The following LHFPL6 variants were observed in gnomAD, a reference collection of about 807,000 sequenced individuals.
LHFPL6 encodes the protein LHFPL tetraspan subfamily member 6, also known as LHFPL tetraspan subfamily member 6 protein.
In LHFPL6, 9 loss-of-function variants were observed where a neutral mutation model predicts 20.6. The ratio of observed to expected loss-of-function variants is 0.44; its 90% CI spans 0.26 to 0.76. LHFPL6 has a LOEUF of 0.76. Ranked by LOEUF, LHFPL6 falls within the 30% of genes least tolerant of loss-of-function variation. The pLI is 0.20. For synonymous variants in LHFPL6, 105 were observed against 98.7 expected, an observed-to-expected ratio of 1.06 and a Z score of -0.38; for missense variants, 218 against 253.5, an observed-to-expected ratio of 0.86 and a Z score of 0.95.
chr13:39,510,553 T>C (rs1869657112), intron 2 of LHFPL6, among the ~76,000 whole-genome samples: 1 of 152,232 alleles, frequency 6.6e-6, no homozygotes, highest in African/African-American at 2.4e-5. Flanking sequence ...TATAGTGTTT[T>C]ACATAAGTCT....
At chr13:39,373,533 A>G (rs944386312) in intron 3 of LHFPL6, among the ~76,000 whole-genome samples, 21 of 152,212 alleles carry the variant, frequency 1.4e-4, no homozygotes, top group Non-Finnish European at 2.6e-4. Flanking sequence ...AGAAAATTGT[A>G]GTATTTATAC....
At chr13:39,402,290 T>C (rs1452704523) in intron 2 of LHFPL6, among the ~76,000 whole-genome samples, 1 of 152,184 alleles carries the variant, frequency 6.6e-6, no homozygotes, top group Non-Finnish European at 1.5e-5. Context: ...AGTGGCACAA[T>C]CATGGCTCAC....
chr13:39,442,925 TTCTC>T (rs371232853), intron 2 of LHFPL6, among the ~76,000 whole-genome samples: 6 of 150,142 alleles, frequency 4.0e-5, no homozygotes, highest in South Asian at 4.2e-4. Flanking sequence ...TCTTGTCTCT[TTCTC>T]TCTCTCTCTC....
intron 2 of LHFPL6, among the ~76,000 whole-genome samples, chr13:39,426,933 A>G (rs1871655054): frequency 6.6e-6 from 1 of 152,060 alleles, no homozygotes; most frequent in Non-Finnish European, 1.5e-5. Flanking sequence ...TAATTTTTGT[A>G]TATGCTGTGA....
At chr13:39,385,938 GTTTAT>G (rs1204074842) in intron 2 of LHFPL6, among the ~76,000 whole-genome samples, 23 of 152,158 alleles carry the variant, frequency 1.5e-4, no homozygotes, top group South Asian at 2.1e-4. Flanking sequence ...TTTTTCCACT[GTTTAT>G]TTTATTTTTT....
chr13:39,510,457 T>G (rs1323691837), intron 2 of LHFPL6, among the ~76,000 whole-genome samples: 1 of 152,212 alleles, frequency 6.6e-6, no homozygotes, highest in African/African-American at 2.4e-5. Flanking sequence ...CATTAGAAAC[T>G]GAAAGTCCAG....
intron 2 of LHFPL6, among the ~76,000 whole-genome samples, chr13:39,430,883 C>A (rs1007751128): frequency 6.6e-6 from 1 of 152,196 alleles, no homozygotes; most frequent in African/African-American, 2.4e-5. Context: ...TTATCCAAGC[C>A]AGCAGCGGCA....
intron 2 of LHFPL6, among the ~76,000 whole-genome samples, chr13:39,443,142 G>A (rs1196754974): frequency 1.3e-5 from 2 of 152,150 alleles, no homozygotes; most frequent in Non-Finnish European, 2.9e-5. Context: ...TACTATGGGA[G>A]TGAGCTAATT....
intron 2 of LHFPL6, among the ~76,000 whole-genome samples, chr13:39,493,587 T>C (rs946603194): frequency 6.6e-6 from 1 of 152,212 alleles, no homozygotes; most frequent in African/African-American, 2.4e-5. Flanking sequence ...CCAAAACCTG[T>C]TGCATAGAGA....
intron 2 of LHFPL6, among the ~76,000 whole-genome samples, chr13:39,571,678 G>C (rs1593368755): frequency 6.6e-6 from 1 of 152,354 alleles, no homozygotes; most frequent in African/African-American, 2.4e-5. Flanking sequence ...TGACGGCGGA[G>C]GGCAGCCACC....
intron 3 of LHFPL6, among the ~76,000 whole-genome samples, chr13:39,345,660 G>A (rs1869382989): frequency 6.6e-6 from 1 of 151,784 alleles, no homozygotes; most frequent in African/African-American, 2.4e-5. Context: ...ACTGCATACC[G>A]AAGTGTTCCC....
chr13:39,479,634 G>A (rs899313929), intron 2 of LHFPL6, among the ~76,000 whole-genome samples: 1 of 152,152 alleles, frequency 6.6e-6, no homozygotes, highest in East Asian at 1.9e-4. Flanking sequence ...CTATAAACAT[G>A]TTTTGAGTCT....
At chr13:39,462,059 C>T (rs953985066) in intron 2 of LHFPL6, among the ~76,000 whole-genome samples, 1 of 152,146 alleles carries the variant, frequency 6.6e-6, no homozygotes, top group South Asian at 2.1e-4. Context: ...AGAGGTGGGG[C>T]TGACTATACT....
At chr13:39,473,630 G>A (rs371677236) in intron 2 of LHFPL6, among the ~76,000 whole-genome samples, 8 of 151,986 alleles carry the variant, frequency 5.3e-5, no homozygotes, top group African/African-American at 1.7e-4. Flanking sequence ...TCTTTCTTTC[G>A]GATACATTGA....
At chr13:39,372,630 A>AT (rs1489078713) in intron 3 of LHFPL6, among the ~76,000 whole-genome samples, 1 of 152,256 alleles carries the variant, frequency 6.6e-6, no homozygotes, top group African/African-American at 2.4e-5. Context: ...TTAATAAAAT[A>AT]TAAAAATGCT....
chr13:39,375,383 G>C (rs1870261717), intron 3 of LHFPL6, among the ~76,000 whole-genome samples: 1 of 152,166 alleles, frequency 6.6e-6, no homozygotes, highest in Non-Finnish European at 1.5e-5. Context: ...CTAAAAGGTA[G>C]AAAGCATAGA....
intron 2 of LHFPL6, among the ~76,000 whole-genome samples, chr13:39,513,803 G>A (rs548302352): frequency 6.6e-6 from 1 of 152,284 alleles, no homozygotes; most frequent in South Asian, 2.1e-4. Context: ...CCTACAACAT[G>A]TATATGACCC....
In LHFPL6 at chr13:39,398,319, T is replaced by G. The variant is rs138457434; in HGVS notation, c.386-19793A>C. Among the ~76,000 whole-genome samples the G allele has an allele frequency of 4.7e-3, 722 of 152,344 alleles. 4 individuals are homozygous for G. Among genetic ancestry groups the G allele is most frequent in the African/African-American group, 0.016 (676 of 41,578 alleles). ...GAAGATTTAAGAAAGAATAGTAAAT[T>G]TCTTTGAGCTCTTTGAAGAACAAAG... On this transcript the variant is annotated intron_variant, in intron 2 of 3. Transcript: ENST00000379589.
chr13:39,517,688 T>C (rs1427480637), intron 2 of LHFPL6, among the ~76,000 whole-genome samples: 2 of 152,056 alleles, frequency 1.3e-5, no homozygotes, highest in African/African-American at 4.8e-5. Flanking sequence ...TGTCCTGGGG[T>C]TATTATTATA....
Sources: allele counts gnomAD v4.1 joint callset (sites outside exome capture counted in the v4.1 genomes callset), GRCh38; gene constraint gnomAD v4.1.1; transcripts MANE v1.5; gene names NCBI Gene and HGNC (gene_info 2026-07-23, HGNC 2026-07-21).